WWP1: variants seen among roughly 807,000 people sequenced by gnomAD.
WWP1 encodes WW domain containing E3 ubiquitin protein ligase 1.
Under a neutral mutation model 130.6 loss-of-function variants are expected in WWP1, and 49 were observed. That is an observed-to-expected ratio of 0.38 (90% CI 0.30 to 0.48). The LOEUF is 0.48. Ranked by LOEUF, WWP1 falls within the 20% of genes least tolerant of loss-of-function variation. WWP1 has a pLI of 0.99. For missense variants in WWP1, 809 were observed against 1,100.6 expected (o/e 0.74, Z 3.75); for synonymous variants, 332 against 367.8 (o/e 0.90, Z 1.11).
chr8:86,393,256 G>T (rs1807458069), intron 5 of WWP1, among the ~76,000 whole-genome samples: 1 of 151,470 alleles, frequency 6.6e-6, no homozygotes, highest in Admixed American at 6.6e-5. Flanking sequence ...TCTCAGGCTG[G>T]AGTGCACTGG....
chr8:86,423,811 G>GC (rs373220036), intron 9 of WWP1, among the ~76,000 whole-genome samples: 4,423 of 142,860 alleles, frequency 0.031, 97 homozygotes, highest in Non-Finnish European at 0.042. Flanking sequence ...GGGCAGAGGC[G>GC]CCCCCCCCCC....
chr8:86,369,807 T>G (rs776464497), intron 2 of WWP1, among the ~76,000 whole-genome samples: 3 of 152,164 alleles, frequency 2.0e-5, no homozygotes, highest in Non-Finnish European at 2.9e-5. Context: ...GCTGTATCTG[T>G]CCTTCTTTTG....
intron 13 of WWP1, 45 bp from the exon 14 acceptor site, chr8:86,431,569 AG>A (rs756643368): frequency 6.2e-7 from 1 of 1,612,042 alleles, no homozygotes; most frequent in Non-Finnish European, 8.5e-7. Context: ...AGATATTTTT[AG>A]TACCTAGAAA....
At chr8:86,453,323 C>G (rs1344107453) in intron 21 of WWP1, among the ~76,000 whole-genome samples, 4 of 152,194 alleles carry the variant, frequency 2.6e-5, no homozygotes, top group South Asian at 4.1e-4. Context: ...TTCACTCAGC[C>G]TAATATCCTC....
chr8:86,437,153 T>A (rs567814350), intron 16 of WWP1, among the ~76,000 whole-genome samples: 26 of 152,340 alleles, frequency 1.7e-4, no homozygotes, highest in African/African-American at 5.3e-4. Context: ...GGCATGCTGG[T>A]GAGCTGTGCT....
intron 5 of WWP1, among the ~76,000 whole-genome samples, chr8:86,386,542 T>C (rs1315506825): frequency 6.6e-6 from 1 of 152,190 alleles, no homozygotes; most frequent in Non-Finnish European, 1.5e-5. Context: ...TACTCAATTA[T>C]TTTTGTCTAA....
intron 5 of WWP1, 43 bp from the exon 6 acceptor site, chr8:86,398,299 A>G (rs1439890265): frequency 1.3e-6 from 2 of 1,536,152 alleles, no homozygotes; most frequent in Admixed American, 2.1e-5. Context: ...AAGCATTTTT[A>G]TATGTGGCAA....
Position 86,342,883 on chromosome 8 carries a change from C to T in WWP1, c.-162C>T, listed in dbSNP as rs1822289185. ...AGGGCGCCCGCCGCAGGAGGAGGTGCCGCTGCCGTGGCCGCCCGGCTGCCG... is the reference window on the plus strand; with the variant it reads ...AGGGCGCCCGCCGCAGGAGGAGGTGTCGCTGCCGTGGCCGCCCGGCTGCCG... On this transcript the variant is annotated 5_prime_UTR_variant, in exon 1 of 25. Coordinates refer to ENST00000517970, the MANE Select transcript of WWP1 (RefSeq NM_007013.4). The T allele has an allele frequency of 5.5e-6, 2 of 362,258 alleles. No individual in the cohort carries two copies. The highest frequency in any genetic ancestry group is 4.9e-6 in the Non-Finnish European group (1 of 202,426). The allele number at this position is 362,258 out of a possible 1,614,324, so 22.4% of individuals were successfully genotyped here. A position where few individuals can be genotyped will look rare whatever the true frequency, so the allele number is the denominator to read the frequency against.
chr8:86,366,695 G>A (rs1342671683), intron 1 of WWP1, among the ~76,000 whole-genome samples: 7 of 152,138 alleles, frequency 4.6e-5, no homozygotes, highest in Non-Finnish European at 7.4e-5. Flanking sequence ...TAGGCAGTTA[G>A]AGCCATTACA....
intron 1 of WWP1, among the ~76,000 whole-genome samples, chr8:86,363,610 T>G (rs759576961): frequency 6.6e-6 from 1 of 152,078 alleles, no homozygotes; most frequent in Non-Finnish European, 1.5e-5. Context: ...AAGACCAGCC[T>G]GGCCAACATG....
intron 1 of WWP1, among the ~76,000 whole-genome samples, chr8:86,344,886 G>T (rs1285320603): frequency 6.6e-6 from 1 of 152,198 alleles, no homozygotes; most frequent in Non-Finnish European, 1.5e-5. Context: ...ACCAGTTTAT[G>T]GGTTGTTTTT....
At chr8:86,343,074 C>T in intron 1 of WWP1, 144 bp downstream of exon 1, 1 of 285,808 alleles carries the variant, frequency 3.5e-6, no homozygotes, top group East Asian at 5.9e-5. Context: ...GGGGACGGTC[C>T]GCCCTACCTT....
At chr8:86,430,126 G>A (rs1004807387) in intron 11 of WWP1, among the ~76,000 whole-genome samples, 6 of 152,038 alleles carry the variant, frequency 3.9e-5, no homozygotes, top group African/African-American at 7.2e-5. Flanking sequence ...GCTTGAGCCC[G>A]GGAAGCAGAG....
intron 16 of WWP1, 130 bp downstream of exon 16, chr8:86,435,834 A>G: frequency 2.6e-6 from 2 of 780,414 alleles, no homozygotes; most frequent in Non-Finnish European, 4.0e-6. Flanking sequence ...TGCCACCACC[A>G]CTTGTTGAGT....
At chr8:86,368,878 A>T (rs1276665212) in intron 1 of WWP1, 61 bp from the exon 2 acceptor site, 2 of 152,146 alleles carry the variant, frequency 1.3e-5, no homozygotes, top group East Asian at 3.9e-4. Flanking sequence ...CAGATGTAGT[A>T]CTTTACCTTT....
intron 1 of WWP1, among the ~76,000 whole-genome samples, chr8:86,348,430 C>A (rs1431069748): frequency 6.6e-6 from 1 of 152,048 alleles, no homozygotes; most frequent in Admixed American, 6.6e-5. Context: ...GTTGGTCAGG[C>A]TGGTCTTGAA....
intron 3 of WWP1, among the ~76,000 whole-genome samples, chr8:86,377,315 C>G (rs1193016310): frequency 6.8e-6 from 1 of 148,068 alleles, no homozygotes; most frequent in East Asian, 2.0e-4. Context: ...CCAGGCTGGT[C>G]TCGAACTCCT....
At position 86,352,039 on chromosome 8, in the gene WWP1, C is replaced by CTTTT. The variant is rs770047019; in HGVS notation, c.-115+9124_-115+9127dup. On this transcript the variant is annotated intron_variant, in intron 1 of 24. Transcript: ENST00000517970. ...TTCTAGCTAGCTAGCTAAAATATTC[C>CTTTT]TTTTTTTTTTTTTTTTTTGAGAAAA... 2.6e-4 allele frequency among the ~76,000 whole-genome samples: 32 copies of CTTTT among 125,178 alleles called. 1 individual carries two copies. The South Asian group carries it at 3.0e-3, about 12-fold the overall frequency. The allele number at this position is 125,178 out of a possible 152,430, so 82.1% of individuals were successfully genotyped here.
intron 1 of WWP1, among the ~76,000 whole-genome samples, chr8:86,366,562 A>G (rs1029679571): frequency 5.9e-5 from 9 of 152,186 alleles, no homozygotes; most frequent in African/African-American, 1.9e-4. Context: ...AGTAGTTCCT[A>G]TCAAATTGGT....
Sources: allele counts gnomAD v4.1 joint callset (sites outside exome capture counted in the v4.1 genomes callset), GRCh38; gene constraint gnomAD v4.1.1; transcripts MANE v1.5; gene names NCBI Gene and HGNC (gene_info 2026-07-23, HGNC 2026-07-21).